Variants in PRELID2 observed in about 807,000 individuals in gnomAD.
The protein encoded by PRELID2 is PRELI domain-containing protein 2.
PRELID2 carries 25 observed loss-of-function variants against 28.4 expected under a neutral mutation model. The ratio of observed to expected loss-of-function variants is 0.88; its 90% CI spans 0.64 to 1.23. The LOEUF (loss-of-function observed/expected upper bound fraction) is 1.23. PRELID2 is among the 50% of genes most tolerant of loss of function. PRELID2 has a pLI of 0.00. For missense variants in PRELID2, 201 were observed against 214.4 expected, an observed-to-expected ratio of 0.94 and a Z score of 0.39; for synonymous variants, 76 against 71.6, an observed-to-expected ratio of 1.06 and a Z score of -0.31.
At chr5:145,590,251 G>C (rs1451418150) in intron 1 of PRELID2, among the ~76,000 whole-genome samples, 1 of 152,058 alleles carries the variant, frequency 6.6e-6, no homozygotes, top group Admixed American at 6.6e-5. Flanking sequence ...GTCTCATTCT[G>C]GTGTCTGTTC....
At chr5:145,710,580 C>T (rs934414980) in intron 1 of PRELID2, among the ~76,000 whole-genome samples, 4 of 152,198 alleles carry the variant, frequency 2.6e-5, no homozygotes, top group African/African-American at 4.8e-5. Flanking sequence ...AAACAGAGAA[C>T]GAACTATTCT....
intron 1 of PRELID2, among the ~76,000 whole-genome samples, chr5:145,828,264 T>C (rs1755336299): frequency 6.6e-6 from 1 of 152,178 alleles, no homozygotes; most frequent in African/African-American, 2.4e-5. Flanking sequence ...TACAGTATAA[T>C]ACCTAGCACT....
chr5:145,669,984 A>G (rs1175862058), intron 1 of PRELID2, among the ~76,000 whole-genome samples: 4 of 152,080 alleles, frequency 2.6e-5, no homozygotes, highest in African/African-American at 4.8e-5. Flanking sequence ...CTCACTGACC[A>G]GTTTCATTTT....
the PRELID2 span, among the ~76,000 whole-genome samples, chr5:145,413,065 A>G: frequency 6.6e-6 from 1 of 152,190 alleles, no homozygotes; most frequent in Non-Finnish European, 1.5e-5. Context: ...AGGTGGGGAC[A>G]TAGCCAAACC....
intron 1 of PRELID2, among the ~76,000 whole-genome samples, chr5:145,664,220 A>T (rs1312618818): frequency 2.0e-5 from 3 of 152,142 alleles, no homozygotes; most frequent in Admixed American, 6.5e-5. Flanking sequence ...TGAATTTTTT[A>T]AAACAGATAT....
At chr5:145,655,661 A>G (rs1754380217) in intron 1 of PRELID2, among the ~76,000 whole-genome samples, 1 of 152,194 alleles carries the variant, frequency 6.6e-6, no homozygotes, top group African/African-American at 2.4e-5. Flanking sequence ...AGTATTCCCT[A>G]TTTAATAAAT....
chr5:145,802,641 A>C (rs1342788303), intron 4 of PRELID2, among the ~76,000 whole-genome samples: 1 of 152,150 alleles, frequency 6.6e-6, no homozygotes, highest in Non-Finnish European at 1.5e-5. Context: ...GGGATGAGCC[A>C]CCTAAAAAAT....
intron 5 of PRELID2, among the ~76,000 whole-genome samples, chr5:145,770,252 G>A (rs73304076): frequency 0.02 from 2,993 of 151,982 alleles, 98 homozygotes; most frequent in African/African-American, 0.068. Context: ...TAACTATAGG[G>A]CCAGGCATGG....
At chr5:145,821,662 G>A (rs1754840377) in intron 2 of PRELID2, among the ~76,000 whole-genome samples, 1 of 152,178 alleles carries the variant, frequency 6.6e-6, no homozygotes, top group South Asian at 2.1e-4. Context: ...GCTGTTGATA[G>A]GGTGCAAACC....
chr5:145,736,267 G>A (rs1358148110), intron 1 of PRELID2, among the ~76,000 whole-genome samples: 1 of 152,084 alleles, frequency 6.6e-6, no homozygotes, highest in Non-Finnish European at 1.5e-5. Flanking sequence ...CAAGCCTTTG[G>A]TCTTTGTGCT....
the PRELID2 span, among the ~76,000 whole-genome samples, chr5:145,417,485 T>C: frequency 1.3e-5 from 2 of 152,084 alleles, no homozygotes; most frequent in South Asian, 2.1e-4. Flanking sequence ...TGAACCTCAA[T>C]GCAAAACTTC....
At chr5:145,518,983 A>G (rs575100353) in intron 1 of PRELID2, among the ~76,000 whole-genome samples, 1 of 152,282 alleles carries the variant, frequency 6.6e-6, no homozygotes, top group African/African-American at 2.4e-5. Context: ...CCATTTTTGT[A>G]TCCCATAACT....
intron 1 of PRELID2, among the ~76,000 whole-genome samples, chr5:145,670,163 A>G (rs1055846244): frequency 6.6e-6 from 1 of 152,146 alleles, no homozygotes; most frequent in Non-Finnish European, 1.5e-5. Flanking sequence ...GAAACATGGC[A>G]TTAGCATCTG....
chr5:145,335,222 C>A, the PRELID2 span, among the ~76,000 whole-genome samples: 1 of 151,692 alleles, frequency 6.6e-6, no homozygotes, highest in Non-Finnish European at 1.5e-5. Flanking sequence ...TTAACAGATT[C>A]TTTCTTTCTT....
intron 1 of PRELID2, among the ~76,000 whole-genome samples, chr5:145,554,921 C>T (rs1449306489): frequency 6.6e-6 from 1 of 152,126 alleles, no homozygotes; most frequent in Non-Finnish European, 1.5e-5. Flanking sequence ...TTAGGCAATT[C>T]AAGCAATATA....
chr5:145,726,235 A>AGGAGGGAG (rs1202375766), intron 1 of PRELID2, among the ~76,000 whole-genome samples: 1 of 91,100 alleles, frequency 1.1e-5, no homozygotes, highest in Non-Finnish European at 2.0e-5. Context: ...GAAGGAAGGA[A>AGGAGGGAG]GGAGGGAGGG....
chr5:145,640,462 C>T (rs1365694281), intron 1 of PRELID2, among the ~76,000 whole-genome samples: 13 of 121,392 alleles, frequency 1.1e-4, no homozygotes, highest in Non-Finnish European at 1.9e-4. Flanking sequence ...GGCGACAGAG[C>T]GAGACTCCGT....
At chr5:145,241,880 T>C in the PRELID2 span, among the ~76,000 whole-genome samples, 1 of 151,910 alleles carries the variant, frequency 6.6e-6, no homozygotes, top group Middle Eastern at 3.4e-3. Flanking sequence ...AAGTACCAGC[T>C]GAGAAAATCC....
At chr5:145,379,364 C>A in the PRELID2 span, among the ~76,000 whole-genome samples, 1 of 152,154 alleles carries the variant, frequency 6.6e-6, no homozygotes, top group Admixed American at 6.5e-5. Context: ...GTATTCACCA[C>A]AATGGCAGAG....
Sources: gnomAD v4.1 joint callset for allele counts (sites outside exome capture counted in the v4.1 genomes callset) on GRCh38, gnomAD v4.1.1 for gene constraint, MANE v1.5 for transcripts, NCBI Gene and HGNC (gene_info 2026-07-23, HGNC 2026-07-21) for gene names.